DLGAP4: variants seen among roughly 807,000 people sequenced by gnomAD.
DLGAP4 encodes the protein DLG associated protein 4, also known as disks large-associated protein 4.
In DLGAP4, 18 loss-of-function variants were observed where a neutral mutation model predicts 86.9. The observed-to-expected ratio is 0.21, with a 90% confidence interval of 0.14 to 0.31. The LOEUF is 0.31. DLGAP4 is among the 10% of genes least tolerant of loss of function. The pLI is 1.00. For missense variants in DLGAP4, 1,085 were observed against 1,362.6 expected, an observed-to-expected ratio of 0.80 and a Z score of 3.21; for synonymous variants, 548 against 574.3, an observed-to-expected ratio of 0.95 and a Z score of 0.65.
At chr20:36,353,674 G>C (rs2030234513) in intron 1 of DLGAP4, among the ~76,000 whole-genome samples, 2 of 152,314 alleles carry the variant, frequency 1.3e-5, no homozygotes, top group Non-Finnish European at 2.9e-5. Flanking sequence ...AACAGAGCTG[G>C]GGCTCCAACC....
At chr20:36,522,931 A>G (rs1262504711) in intron 10 of DLGAP4, among the ~76,000 whole-genome samples, 1 of 152,152 alleles carries the variant, frequency 6.6e-6, no homozygotes, top group Non-Finnish European at 1.5e-5. Flanking sequence ...ATCACAGCTC[A>G]CTGCAGCCTC....
At chr20:36,372,601 C>A (rs912760670) in intron 2 of DLGAP4, among the ~76,000 whole-genome samples, 3 of 151,342 alleles carry the variant, frequency 2.0e-5, no homozygotes, top group Non-Finnish European at 2.9e-5. Flanking sequence ...AATCTTAAAT[C>A]TCAGGCAGAA....
intron 3 of DLGAP4, among the ~76,000 whole-genome samples, chr20:36,434,553 G>A (rs2033218570): frequency 6.6e-6 from 1 of 152,168 alleles, no homozygotes; most frequent in Non-Finnish European, 1.5e-5. Context: ...TGTGCTGCCT[G>A]CTTGGGTGAC....
At chr20:36,513,059 C>G (rs145058825) in intron 10 of DLGAP4, among the ~76,000 whole-genome samples, 1,781 of 145,258 alleles carry the variant, frequency 0.012, 39 homozygotes, top group African/African-American at 0.041. Context: ...TCAAGCAATC[C>G]TCCCACCTCA....
At chr20:36,503,045 A>C (rs1281090935) in intron 10 of DLGAP4, among the ~76,000 whole-genome samples, 35 of 152,166 alleles carry the variant, frequency 2.3e-4, no homozygotes, top group Admixed American at 2.2e-3. Context: ...AATTTTTAAA[A>C]GTAATTTTCT....
chr20:36,507,762 A>G (rs1381333746), intron 10 of DLGAP4: 3 of 152,394 alleles, frequency 2.0e-5, no homozygotes, highest in East Asian at 3.9e-4. Flanking sequence ...CAGTTCAGAA[A>G]GAGCGTGGCA....
intron 1 of DLGAP4, among the ~76,000 whole-genome samples, chr20:36,342,015 G>A (rs556914233): frequency 7.9e-5 from 12 of 152,260 alleles, no homozygotes; most frequent in South Asian, 2.1e-4. Flanking sequence ...TCGGGGTGTC[G>A]GGGACAAGAG....
intron 2 of DLGAP4, among the ~76,000 whole-genome samples, chr20:36,397,430 T>A (rs1346295531): frequency 6.6e-6 from 1 of 152,138 alleles, no homozygotes; most frequent in Non-Finnish European, 1.5e-5. Context: ...CCAAAGATAC[T>A]CCCCAGTGCC....
chr20:36,427,019 A>G (rs1044279115), intron 2 of DLGAP4, among the ~76,000 whole-genome samples: 10 of 151,590 alleles, frequency 6.6e-5, no homozygotes, highest in Non-Finnish European at 1.5e-4. Context: ...TCTGTACCAA[A>G]AAAAAAAAAA....
intron 10 of DLGAP4, among the ~76,000 whole-genome samples, chr20:36,509,954 T>G (rs970046659): frequency 2.0e-5 from 3 of 151,988 alleles, no homozygotes; most frequent in Non-Finnish European, 4.4e-5. Context: ...CCTCCCGGGT[T>G]CAAGCGATTC....
intron 2 of DLGAP4, among the ~76,000 whole-genome samples, chr20:36,372,809 C>T (rs181026966): frequency 3.3e-4 from 50 of 152,254 alleles, no homozygotes; most frequent in Admixed American, 2.7e-3. Context: ...TGCCATTTTC[C>T]GCAGCTATAG....
chr20:36,459,117 G>T (rs1460616813), intron 7 of DLGAP4, among the ~76,000 whole-genome samples: 1 of 152,178 alleles, frequency 6.6e-6, no homozygotes, highest in Non-Finnish European at 1.5e-5. Context: ...GGGAGCATGT[G>T]AGTCCTGTCT....
intron 7 of DLGAP4, among the ~76,000 whole-genome samples, chr20:36,465,732 C>G (rs1317807984): frequency 6.6e-6 from 1 of 152,198 alleles, no homozygotes; most frequent in African/African-American, 2.4e-5. Flanking sequence ...GTAAATGCCA[C>G]ACAGGCTTTC....
chr20:36,350,232 C>T lies in DLGAP4; in HGVS notation c.-303-16813C>T, dbSNP rs1406837597. On this transcript the variant is annotated intron_variant, in intron 1 of 12. Coordinates refer to ENST00000339266, the MANE Select transcript of DLGAP4 (RefSeq NM_001365621.2). This position sits in a 1 kb window ranked among gnomAD's most constrained non-coding sequence, Gnocchi z 4.4. Reference sequence around the variant, plus strand: ...CTTGCCCTTAGGCCCCCCAGCCCTTCGGCATCAGTTTCTCTTTGTGTGCTA... The same window carrying T: ...CTTGCCCTTAGGCCCCCCAGCCCTTTGGCATCAGTTTCTCTTTGTGTGCTA... Among the ~76,000 whole-genome samples, 1 of 152,188 alleles carries T rather than the reference C, an allele frequency of 6.6e-6. No homozygotes were observed. Among genetic ancestry groups the T allele is most frequent in the Admixed American group, 6.5e-5 (1 of 15,282 alleles).
At chr20:36,342,953 G>A (rs2065398773) in intron 1 of DLGAP4, among the ~76,000 whole-genome samples, 1 of 152,164 alleles carries the variant, frequency 6.6e-6, no homozygotes, top group African/African-American at 2.4e-5. Context: ...GCTTGGAGGT[G>A]GGACAGAGGC....
chr20:36,332,373 T>TTTTTG (rs1264979025), intron 1 of DLGAP4, among the ~76,000 whole-genome samples: 2 of 152,076 alleles, frequency 1.3e-5, no homozygotes, highest in African/African-American at 4.8e-5. Flanking sequence ...TTTTTTGTTT[T>TTTTTG]TTTTGTTTTG....
chr20:36,492,153 G>A (rs969336796), intron 7 of DLGAP4, among the ~76,000 whole-genome samples: 1 of 152,130 alleles, frequency 6.6e-6, no homozygotes, highest in East Asian at 1.9e-4. Flanking sequence ...TGGAAGAGGT[G>A]GGGGTGAGGT....
intron 2 of DLGAP4, among the ~76,000 whole-genome samples, chr20:36,424,044 C>A (rs1448121816): frequency 2.0e-5 from 3 of 151,960 alleles, no homozygotes; most frequent in Admixed American, 6.6e-5. Flanking sequence ...CACCAAGTGT[C>A]CTGCAGTGAG....
At chr20:36,458,966 G>T (rs1253572580) in intron 7 of DLGAP4, among the ~76,000 whole-genome samples, 1 of 152,214 alleles carries the variant, frequency 6.6e-6, no homozygotes, top group Non-Finnish European at 1.5e-5. Flanking sequence ...ACACAGCCAG[G>T]TCGCGTGGGG....
Sources: gnomAD v4.1 joint callset for allele counts (sites outside exome capture counted in the v4.1 genomes callset) on GRCh38, gnomAD v4.1.1 for gene constraint, Gnocchi (gnomAD v3.1) non-coding constraint, MANE v1.5 for transcripts, NCBI Gene and HGNC (gene_info 2026-07-23, HGNC 2026-07-21) for gene names.